LRP1B: variants seen among roughly 807,000 people sequenced by gnomAD.
LRP1B encodes the protein low-density lipoprotein receptor-related protein 1B.
In LRP1B, 217 loss-of-function variants were observed where a neutral mutation model predicts 556.6. The ratio of observed to expected loss-of-function variants is 0.39; its 90% CI spans 0.35 to 0.44. LRP1B has a LOEUF of 0.44. Ranked by LOEUF, LRP1B falls within the 20% of genes least tolerant of loss-of-function variation. The pLI is 1.00. For synonymous variants in LRP1B, 2,047 were observed against 1,865.8 expected, an observed-to-expected ratio of 1.10 and a Z score of -2.50; for missense variants, 5,053 against 5,620.8, an observed-to-expected ratio of 0.90 and a Z score of 3.23.
chr2:141,226,123 C>CA (rs150456088), intron 6 of LRP1B, among the ~76,000 whole-genome samples: 78,935 of 144,348 alleles, frequency 0.55, 22,448 homozygotes, highest in Non-Finnish European at 0.65. Context: ...ATTTTCCCCC[C>CA]CAAAAAAAAC....
At chr2:141,544,305 T>TTCGTCG (rs1255112557) in intron 2 of LRP1B, among the ~76,000 whole-genome samples, 30 of 6,468 alleles carry the variant, frequency 4.6e-3, no homozygotes, top group African/African-American at 0.023. Context: ...ACTCTTCTTC[T>TTCGTCG]TCTTCTTCTT....
rs1393773091 is a variant in LRP1B, at chr2:140,233,344, T to A, written c.13660-18A>T. ...TTTGTTGGCTGAAGGAGAAAAAAAA[T>A]AAATATAATTTTATTACTGGTCTTG... is the stretch of plus-strand genomic sequence containing the variant. On this transcript the variant is annotated intron_variant, in intron 90 of 90. Coordinates refer to ENST00000389484, the MANE Select transcript of LRP1B (RefSeq NM_018557.3). 3.2e-6 allele frequency: 5 copies of A among 1,541,610 alleles called. No homozygotes were observed. The highest frequency in any genetic ancestry group is 4.4e-6 in the Non-Finnish European group (5 of 1,139,732).
intron 7 of LRP1B, among the ~76,000 whole-genome samples, chr2:141,124,508 TCTC>T (rs1308161814): frequency 2.0e-5 from 3 of 152,006 alleles, no homozygotes; most frequent in Non-Finnish European, 4.4e-5. Context: ...GTTCCAAAGT[TCTC>T]CTTTTTCATT....
At chr2:141,402,942 T>G (rs2104928175) in intron 3 of LRP1B, among the ~76,000 whole-genome samples, 1 of 152,228 alleles carries the variant, frequency 6.6e-6, no homozygotes, top group South Asian at 2.1e-4. Flanking sequence ...CTTCCCCATT[T>G]GACTTATAGT....
intron 68 of LRP1B, 41 bp from the exon 69 acceptor site, chr2:140,373,178 A>C: frequency 1.3e-6 from 2 of 1,571,812 alleles, no homozygotes; most frequent in Non-Finnish European, 1.7e-6. Flanking sequence ...TTAAAATTTT[A>C]GAAACACTTC....
intron 32 of LRP1B, among the ~76,000 whole-genome samples, chr2:140,805,641 A>G (rs1690687535): frequency 1.3e-5 from 2 of 152,158 alleles, no homozygotes; most frequent in African/African-American, 4.8e-5. Flanking sequence ...TATTGCTTTA[A>G]CCAATATAAT....
chr2:141,124,620 TA>T (rs1376247263), intron 7 of LRP1B, among the ~76,000 whole-genome samples: 1 of 109,192 alleles, frequency 9.2e-6, no homozygotes, highest in Non-Finnish European at 1.8e-5. Flanking sequence ...TAAACTGGGA[TA>T]AAGAAATTCT....
chr2:141,029,370 G>C (rs1698303803), intron 11 of LRP1B, among the ~76,000 whole-genome samples: 1 of 152,102 alleles, frequency 6.6e-6, no homozygotes, highest in South Asian at 2.1e-4. Flanking sequence ...GCAGTCCCCT[G>C]TGGGCCTTGA....
chr2:141,650,289 T>G (rs1255121188), intron 2 of LRP1B, among the ~76,000 whole-genome samples: 1 of 152,156 alleles, frequency 6.6e-6, no homozygotes, highest in African/African-American at 2.4e-5. Flanking sequence ...ATGTGGGGAA[T>G]TGATATGATT....
intron 3 of LRP1B, among the ~76,000 whole-genome samples, chr2:141,336,012 G>T (rs2105505056): frequency 6.7e-6 from 1 of 148,858 alleles, no homozygotes; most frequent in Middle Eastern, 3.5e-3. Context: ...TGTGGTTTAG[G>T]CTCGATGTTA....
At chr2:141,800,795 G>A (rs779360867) in intron 2 of LRP1B, among the ~76,000 whole-genome samples, 57 of 152,192 alleles carry the variant, frequency 3.7e-4, no homozygotes, top group Non-Finnish European at 5.3e-4. Flanking sequence ...ACATGAAAAG[G>A]TATGGAATAA....
intron 3 of LRP1B, among the ~76,000 whole-genome samples, chr2:141,346,358 C>A (rs1688259185): frequency 6.6e-6 from 1 of 152,094 alleles, no homozygotes; most frequent in Admixed American, 6.6e-5. Context: ...AGGGGGTGAT[C>A]TGACTGAACA....
intron 4 of LRP1B, among the ~76,000 whole-genome samples, chr2:141,253,533 G>C (rs1405655992): frequency 2.0e-5 from 3 of 152,064 alleles, no homozygotes; most frequent in African/African-American, 7.2e-5. Context: ...GCAGACATGA[G>C]TTTCAGTCCC....
chr2:141,134,024 C>T (rs1487801676), intron 7 of LRP1B, among the ~76,000 whole-genome samples: 4 of 151,866 alleles, frequency 2.6e-5, no homozygotes, highest in Non-Finnish European at 4.4e-5. Context: ...TGATCTCTTA[C>T]TCTTTTATTT....
chr2:142,024,624 T>TG (rs1703446204), intron 1 of LRP1B, among the ~76,000 whole-genome samples: 1 of 150,836 alleles, frequency 6.6e-6, no homozygotes, highest in African/African-American at 2.5e-5. Flanking sequence ...TGAAATGTTT[T>TG]TTTTTTTTTT....
At chr2:141,231,601 TC>T (rs1390195088) in intron 5 of LRP1B, among the ~76,000 whole-genome samples, 3 of 145,626 alleles carry the variant, frequency 2.1e-5, no homozygotes, top group South Asian at 2.2e-4. Context: ...CTTAGCACAT[TC>T]CCCCCACCCC....
At chr2:141,928,075 C>A (rs1700385580) in intron 1 of LRP1B, among the ~76,000 whole-genome samples, 1 of 152,094 alleles carries the variant, frequency 6.6e-6, no homozygotes, top group African/African-American at 2.4e-5. Context: ...TGCTGTCATT[C>A]ATTCTCCCCA....
At chr2:141,892,230 C>A in intron 1 of LRP1B, among the ~76,000 whole-genome samples, 1 of 151,100 alleles carries the variant, frequency 6.6e-6, no homozygotes, top group African/African-American at 2.4e-5. Context: ...ATAGACTCAC[C>A]AAGAAAGTAT....
chr2:141,140,311 C>T (rs75951550), intron 7 of LRP1B, among the ~76,000 whole-genome samples: 5,631 of 151,814 alleles, frequency 0.037, 176 homozygotes, highest in African/African-American at 0.078. Context: ...GCTTATTGAA[C>T]GTCAATTATA....
Sources: gnomAD v4.1 joint callset for allele counts (sites outside exome capture counted in the v4.1 genomes callset) on GRCh38, gnomAD v4.1.1 for gene constraint, MANE v1.5 for transcripts, NCBI Gene and HGNC (gene_info 2026-07-23, HGNC 2026-07-21) for gene names.